The following STAB1 variants were observed in gnomAD, a reference collection of about 807,000 sequenced individuals.
The protein encoded by STAB1 is stabilin 1, also known as stabilin-1.
STAB1 carries 250 observed loss-of-function variants against 332.4 expected under a neutral mutation model. The ratio of observed to expected loss-of-function variants is 0.75; its 90% confidence interval spans 0.68 to 0.84. The LOEUF (loss-of-function observed/expected upper bound fraction) is 0.84, where lower values mean the gene tolerates loss of function less well. Ranked by LOEUF, STAB1 falls within the 40% of genes least tolerant of loss-of-function variation. The pLI is 0.00. For missense variants in STAB1, 3,249 were observed against 3,489.7 expected (o/e 0.93, Z 1.74); for synonymous variants, 1,475 against 1,390.4 (o/e 1.06, Z -1.35).
Position 52,519,290 on chromosome 3 carries a change from G to C in STAB1, c.5061G>C (p.Ala1687=). Residue 1687 remains alanine, a synonymous_variant, in exon 49 of 69, where the codon GCG becomes GCC. Transcript: ENST00000321725. ...REGSIYLNDF[A]RVVSSDHEAV... is the part of the protein sequence containing the mutation. ...GCAGCATATACCTCAATGACTTCGC[G>C]CGCGTGGTGAGCAGCGACCATGAGG... is the stretch of plus-strand genomic sequence containing the variant. The C allele has an allele frequency of 6.2e-7, 1 of 1,612,926 alleles. No individual in the cohort carries two copies. Among genetic ancestry groups the C allele is most frequent in the Non-Finnish European group, 8.5e-7 (1 of 1,179,978 alleles).
chr3:52,518,980 A>AG, intron 48 of STAB1, 111 bp downstream of exon 48: 1 of 1,282,130 alleles, frequency 7.8e-7, no homozygotes, highest in Non-Finnish European at 1.0e-6. Flanking sequence ...TCCCCTAGCC[A>AG]GGGGGCGCCT....
At position 52,517,063 on chromosome 3, in the gene STAB1, A is replaced by G; in HGVS notation, c.4443A>G (p.Thr1481=). ...CCAAGGTGGCACCTGGGCAGCGGAC[A>G]TGCACCTGCCAGGATGGCTACATGG... The part of the protein sequence containing the change: ...NCTKVAPGQR[T]CTCQDGYMGD... The change falls in exon 42 of 69, where the codon ACA becomes ACG. Residue 1481 remains threonine (T), a synonymous_variant. Transcript: ENST00000321725. 6.3e-7 allele frequency: 1 copy of G among 1,598,418 alleles called. No homozygotes were observed. Among genetic ancestry groups the G allele is most frequent in the South Asian group, 1.1e-5 (1 of 89,052 alleles).
rs1708825367 is a variant in STAB1, at chr3:52,505,939, G to A, written c.1749+3G>A. 2 of 1,613,460 alleles carry A rather than the reference G, an allele frequency of 1.2e-6. No individual in the cohort carries two copies. Among genetic ancestry groups the A allele is most frequent in the Non-Finnish European group, 1.7e-6 (2 of 1,180,044 alleles). ...ACCACATCTACAACCACGGCCAGGT[G>A]CGAGGTCTTTTTCTGGGGGGCGGCC... On this transcript the variant is annotated splice_donor_region_variant and intron_variant, in intron 16 of 68. Transcript: ENST00000321725.
At chr3:52,511,839 T>C in intron 26 of STAB1, 94 bp downstream of exon 26, 1 of 973,966 alleles carries the variant, frequency 1.0e-6, no homozygotes, top group Non-Finnish European at 1.5e-6. Context: ...TGGGTGTCTC[T>C]CTGTACCCCC....
At chr3:52,500,854 C>T (rs990078361) in intron 1 of STAB1, among the ~76,000 whole-genome samples, 1 of 152,190 alleles carries the variant, frequency 6.6e-6, no homozygotes, top group Non-Finnish European at 1.5e-5. Context: ...GCTAGATTCT[C>T]TAGTGTCAGA....
intron 1 of STAB1, among the ~76,000 whole-genome samples, chr3:52,498,758 G>A (rs1708224689): frequency 1.3e-5 from 2 of 152,290 alleles, no homozygotes; most frequent in South Asian, 2.1e-4. Flanking sequence ...GCTTTGAGGG[G>A]AGCCCACCTC....
At position 52,509,217 on chromosome 3, in the gene STAB1, A is replaced by G; in HGVS notation, c.2243A>G (p.Asp748Gly). ...CTTCTGCTCACTCTCTAGTGCAGTG[A>G]TGGGATCCAGGGCAATGGGGCCTGC... ...NPCYGKGNCSDGIQGNGACLC... is the reference protein window; with the variant it reads ...NPCYGKGNCSGGIQGNGACLC... Residue 748 changes from aspartate (D) to glycine (G), a missense_variant, in exon 22 of 69, where the codon GAT becomes GGT. Asp to Gly is a moderately conservative substitution (Grantham distance 94, BLOSUM62 -1). Coordinates refer to ENST00000321725, the MANE Select transcript of STAB1 (RefSeq NM_015136.3). 2 of 1,613,512 alleles carry G rather than the reference A, an allele frequency of 1.2e-6. No individual in the cohort carries two copies. Among genetic ancestry groups the G allele is most frequent in the Non-Finnish European group, 1.7e-6 (2 of 1,179,858 alleles).
chr3:52,516,933 G>A (rs2078887215), intron 41 of STAB1, 51 bp from the exon 42 acceptor site: 9 of 1,607,046 alleles, frequency 5.6e-6, no homozygotes, highest in Non-Finnish European at 7.6e-6. Flanking sequence ...CTCCTGTCCT[G>A]CCTCCGGCCC....
chr3:52,504,198 C>T, intron 10 of STAB1, 43 bp downstream of exon 10: 2 of 1,557,370 alleles, frequency 1.3e-6, no homozygotes, highest in Non-Finnish European at 1.7e-6. Flanking sequence ...CCCCTCACCC[C>T]CAGCACAGTT....
chr3:52,504,330 C>A, intron 10 of STAB1, 131 bp from the exon 11 acceptor site: 1 of 1,352,964 alleles, frequency 7.4e-7, no homozygotes, highest in African/African-American at 1.4e-5. Context: ...CTCAAGGCCC[C>A]CATCTACCCT....
intron 50 of STAB1, 103 bp from the exon 51 acceptor site, chr3:52,519,841 G>T: frequency 7.2e-7 from 1 of 1,385,646 alleles, no homozygotes; most frequent in East Asian, 2.5e-5. Context: ...GATGAGTGTG[G>T]GTGAGTGTGG....
In STAB1 at chr3:52,523,905, C is replaced by T. The variant is rs188353907; in HGVS notation, c.7430C>T (p.Ala2477Val). Residue 2477 changes from alanine to valine, a missense_variant, in exon 67 of 69, where the codon GCG (alanine) becomes GTG (valine). Physicochemically the swap from Ala to Val is moderately conservative, Grantham distance 64. Transcript: ENST00000321725. The part of the protein sequence containing the change: ...AVLAPEAPPV[A>V]AGVGAVLAAG... ...CTGGCGCCTGAAGCCCCACCTGTGG[C>T]GGCAGGCGTGGGGGCTGTGCTTGCC... The T allele has an allele frequency of 4.6e-4, 739 of 1,606,820 alleles. 2 individuals carry two copies. The East Asian group carries it at 6.9e-3, about 15-fold the overall frequency.
chr3:52,515,976 C>G, intron 37 of STAB1, 67 bp from the exon 38 acceptor site: 2 of 1,482,904 alleles, frequency 1.3e-6, no homozygotes, highest in Non-Finnish European at 1.8e-6. Flanking sequence ...CGAGATGCCC[C>G]CGTTCCCCTT....
Position 52,510,201 on chromosome 3 carries a change from G to C in STAB1, c.2594G>C (p.Cys865Ser), listed in dbSNP as rs747802817. 3.7e-6 allele frequency: 6 copies of C among 1,613,898 alleles called. No individual in the cohort carries two copies. Among genetic ancestry groups the C allele is most frequent in the Non-Finnish European group, 5.1e-6 (6 of 1,180,038 alleles). Residue 865 changes from cysteine to serine, a missense_variant, in exon 24 of 69, where the codon TGC becomes TCC. Cys to Ser is a moderately radical substitution (Grantham distance 112, BLOSUM62 -1). Coordinates refer to ENST00000321725, the MANE Select transcript of STAB1 (RefSeq NM_015136.3). ...DGFSCTPSNP[C>S]SHPDRGGCSE... Reference sequence around the variant, plus strand: ...TTCTCCTGCACACCTAGCAACCCCTGCTCCCACCCGGACCGTGGAGGCTGC... The same window carrying C: ...TTCTCCTGCACACCTAGCAACCCCTCCTCCCACCCGGACCGTGGAGGCTGC...
Position 52,505,786 on chromosome 3 carries a change from G to T in STAB1, c.1695+5G>T. The stretch of plus-strand genomic sequence containing the variant: ...CTGATCTACCTCTTCACAGCGGTAA[G>T]CTCAGCGGGAGAAGGGGCTGCGGGT... On this transcript the variant is annotated splice_donor_5th_base_variant and intron_variant, in intron 15 of 68. Coordinates refer to ENST00000321725, the MANE Select transcript of STAB1 (RefSeq NM_015136.3). The T allele has an allele frequency of 6.2e-7, 1 of 1,613,864 alleles. No homozygotes were observed. Among genetic ancestry groups the T allele is most frequent in the South Asian group, 1.1e-5 (1 of 91,086 alleles).
chr3:52,502,482 C>G, intron 5 of STAB1, 150 bp from the exon 6 acceptor site: 1 of 812,880 alleles, frequency 1.2e-6, no homozygotes, highest in Non-Finnish European at 2.0e-6. Flanking sequence ...TGGTCTCCCA[C>G]CACCCCTGTG....
Position 52,517,363 on chromosome 3 carries a change from C to G in STAB1, c.4533C>G (p.His1511Gln), listed in dbSNP as rs572091832. 2 of 1,605,498 alleles carry G rather than the reference C, an allele frequency of 1.2e-6. No individual in the cohort carries two copies. Among genetic ancestry groups the G allele is most frequent in the Non-Finnish European group, 1.7e-6 (2 of 1,176,448 alleles). ...CLIHHGGCHI[H>Q]AECIPTGPQQ... ...TCCACCACGGGGGCTGCCACATTCA[C>G]GCCGAGTGCATCCCCACTGGCCCCC... The change falls in exon 43 of 69, where the codon CAC becomes CAG. Residue 1511 changes from histidine (H) to glutamine (Q), a missense_variant. By Grantham distance (24) the His-to-Gln change is conservative. Coordinates refer to ENST00000321725, the MANE Select transcript of STAB1 (RefSeq NM_015136.3).
At chr3:52,503,256 G>C in intron 7 of STAB1, 88 bp from the exon 8 acceptor site, 2 of 1,519,954 alleles carry the variant, frequency 1.3e-6, no homozygotes, top group Non-Finnish European at 1.8e-6. Context: ...AGGTCAACCT[G>C]CTGGCCCCGG....
intron 14 of STAB1, 132 bp from the exon 15 acceptor site, chr3:52,505,536 A>G (rs1036735359): frequency 1.7e-6 from 2 of 1,192,180 alleles, no homozygotes; most frequent in Non-Finnish European, 2.4e-6. Context: ...CTGTGGTAGC[A>G]TGGACCCATT....
Sources: gnomAD v4.1 joint callset for allele counts (sites outside exome capture counted in the v4.1 genomes callset) on GRCh38, gnomAD v4.1.1 for gene constraint, MANE v1.5 for transcripts, NCBI Gene and HGNC (gene_info 2026-07-23, HGNC 2026-07-21) for gene names.